USP37: variants seen among roughly 807,000 people sequenced by gnomAD.
USP37 encodes the protein ubiquitin specific peptidase 37.
A neutral mutation model predicts 124.0 loss-of-function variants in USP37; 27 were observed. The ratio of observed to expected loss-of-function variants is 0.22; its 90% CI spans 0.16 to 0.30. The LOEUF (loss-of-function observed/expected upper bound fraction) is 0.30. Among genes scored for constraint, USP37 ranks in the 10% least tolerant of loss-of-function variants. The pLI is 1.00. For synonymous variants in USP37, 365 were observed against 388.0 expected (o/e 0.94, Z 0.70); for missense variants, 889 against 1,140.4 (o/e 0.78, Z 3.17).
chr2:218,531,950 T>C (rs904390966), intron 9 of USP37, among the ~76,000 whole-genome samples: 1 of 152,226 alleles, frequency 6.6e-6, no homozygotes, highest in Admixed American at 6.5e-5. Flanking sequence ...TCTCCTGAGA[T>C]GAAATCTAAT....
intron 8 of USP37, among the ~76,000 whole-genome samples, chr2:218,535,236 T>C (rs1691558498): frequency 6.6e-6 from 1 of 151,188 alleles, no homozygotes; most frequent in African/African-American, 2.4e-5. Flanking sequence ...TGGTGGCGCG[T>C]TCCTGTAGTC....
intron 23 of USP37, among the ~76,000 whole-genome samples, chr2:218,459,222 A>G (rs1389031431): frequency 6.6e-6 from 1 of 151,950 alleles, no homozygotes; most frequent in African/African-American, 2.4e-5. Flanking sequence ...TCCCCCCGAG[A>G]TGGAGTTTCG....
At chr2:218,555,040 T>A (rs1172947999) in intron 4 of USP37, among the ~76,000 whole-genome samples, 3 of 152,192 alleles carry the variant, frequency 2.0e-5, no homozygotes, top group African/African-American at 7.2e-5. Context: ...GTTCAATAAT[T>A]CATCTTAGAC....
In USP37 at chr2:218,553,248, C is replaced by T. The variant is rs1048159835; in HGVS notation, c.328+305G>A. Among the ~76,000 whole-genome samples, 9 of 152,282 alleles carry T rather than the reference C, an allele frequency of 5.9e-5. 1 individual carries two copies. Among genetic ancestry groups the T allele is most frequent in the Middle Eastern group, 6.8e-3 (2 of 294 alleles). ...GCATATGACCTTTATTACGCTGAGTCGTTTCCTTCTACTCCTAGTTTGTTG... is the reference window on the plus strand; with the variant it reads ...GCATATGACCTTTATTACGCTGAGTTGTTTCCTTCTACTCCTAGTTTGTTG... On this transcript the variant is annotated intron_variant, in intron 5 of 25. Coordinates refer to ENST00000258399, the MANE Select transcript of USP37 (RefSeq NM_020935.3).
chr2:218,465,146 T>C (rs1690245487), intron 21 of USP37, among the ~76,000 whole-genome samples: 1 of 152,118 alleles, frequency 6.6e-6, no homozygotes, highest in South Asian at 2.1e-4. Context: ...TTAGAAAATA[T>C]TTGTGATAAT....
intron 10 of USP37, among the ~76,000 whole-genome samples, chr2:218,526,588 A>C (rs892306563): frequency 5.3e-5 from 8 of 151,966 alleles, no homozygotes; most frequent in African/African-American, 1.9e-4. Flanking sequence ...CTTTTTTGAC[A>C]AAATGTGGAT....
At chr2:218,550,281 A>ACAGTTGTAT (rs143807558) in intron 5 of USP37, among the ~76,000 whole-genome samples, 7,397 of 152,200 alleles carry the variant, frequency 0.049, 509 homozygotes, top group African/African-American at 0.16. Flanking sequence ...AGAAACAGTG[A>ACAGTTGTAT]CAGTTGTATC....
intron 11 of USP37, among the ~76,000 whole-genome samples, chr2:218,502,059 T>G (rs1019953797): frequency 6.6e-6 from 1 of 151,996 alleles, no homozygotes; most frequent in African/African-American, 2.4e-5. Context: ...CAAATTAGCC[T>G]TAGAGTAAAG....
chr2:218,543,194 C>G (rs1692081527), intron 8 of USP37, among the ~76,000 whole-genome samples: 1 of 152,044 alleles, frequency 6.6e-6, no homozygotes, highest in South Asian at 2.1e-4. Context: ...AATCAGCTTG[C>G]AATCAGTGAT....
chr2:218,474,801 C>G lies in USP37; in HGVS notation c.2128G>C (p.Ala710Pro). 6.2e-7 allele frequency: 1 copy of G among 1,614,172 alleles called. No individual in the cohort carries two copies. The highest frequency in any genetic ancestry group is 8.5e-7 in the Non-Finnish European group (1 of 1,180,030). ...FDRMSEEELLAAVLEISKRDA... is the reference protein window; with the variant it reads ...FDRMSEEELLPAVLEISKRDA... ...CTCTTACTTATCTCCAAGACAGCTGCTAGAAGCTCTTCTTCGCTCATTCTG... is the reference window on the plus strand; with the variant it reads ...CTCTTACTTATCTCCAAGACAGCTGGTAGAAGCTCTTCTTCGCTCATTCTG... Residue 710 changes from alanine (A) to proline (P), a missense_variant, in exon 20 of 26, where the codon GCA (alanine) becomes CCA (proline). Physicochemically the swap from Ala to Pro is conservative, Grantham distance 27. Around this residue, in one of 3 missense-constraint regions of USP37, gnomAD observed 504 missense variants for 714.3 expected, o/e 0.71. Coordinates refer to ENST00000258399, the MANE Select transcript of USP37 (RefSeq NM_020935.3).
rs1690865868 is a variant in USP37 at position 218,474,665 on chromosome 2, A to G, written c.2264T>C (p.Met755Thr). 6.2e-7 allele frequency: 1 copy of G among 1,614,060 alleles called. No homozygotes were observed. Among genetic ancestry groups the G allele is most frequent in the Non-Finnish European group, 8.5e-7 (1 of 1,180,042 alleles). ...GATTGTTTTGGGCTTCTCAGTTTCC[A>G]TAGTGTCTGGATTTTCTGGCATTTC... ...IQEMPENPDTMETEKPKTITE... is the reference protein window; with the variant it reads ...IQEMPENPDTTETEKPKTITE... Residue 755 changes from methionine (M) to threonine (T), a missense_variant, in exon 20 of 26, where the codon ATG becomes ACG. By Grantham distance (81) the Met-to-Thr change is moderately conservative. Around this residue, in one of 3 missense-constraint regions of USP37, gnomAD observed 504 missense variants for 714.3 expected, o/e 0.71. Transcript: ENST00000258399.
chr2:218,511,370 G>A lies in USP37; in HGVS notation c.864-1230C>T, dbSNP rs537328283. 3.4e-3 allele frequency among the ~76,000 whole-genome samples: 520 copies of A among 152,102 alleles called. 1 individual carries two copies. Among genetic ancestry groups the A allele is most frequent in the African/African-American group, 0.012 (498 of 41,496 alleles). ...GTTGCCCAAGCTGGTGTGCAATGGCGCAATCTCGGCTCACTGCAACCTCCG... is the reference window on the plus strand; with the variant it reads ...GTTGCCCAAGCTGGTGTGCAATGGCACAATCTCGGCTCACTGCAACCTCCG... On this transcript the variant is annotated intron_variant, in intron 10 of 25. Transcript: ENST00000258399.
intron 25 of USP37, 145 bp from the exon 26 acceptor site, chr2:218,455,162 C>A: frequency 1.0e-6 from 1 of 983,954 alleles, no homozygotes; most frequent in Non-Finnish European, 1.5e-6. Flanking sequence ...AAAAGCAGCT[C>A]ACTCATTTGA....
At chr2:218,498,411 T>C (rs1282994185) in intron 11 of USP37, 1 of 251,922 alleles carries the variant, frequency 4.0e-6, no homozygotes, top group Non-Finnish European at 7.5e-6. Context: ...GGGACTCTAC[T>C]TTGAGAACTA....
At chr2:218,555,605 A>G (rs1384749114) in intron 4 of USP37, among the ~76,000 whole-genome samples, 1 of 152,248 alleles carries the variant, frequency 6.6e-6, no homozygotes, top group East Asian at 1.9e-4. Context: ...TTAACAAAAA[A>G]GATGAGAATC....
intron 10 of USP37, chr2:218,528,731 G>A: frequency 2.6e-6 from 1 of 377,436 alleles, no homozygotes; most frequent in East Asian, 4.8e-5. Context: ...ACCCTTCTGT[G>A]CTGCACTGCA....
At chr2:218,512,522 A>C (rs539050544) in intron 10 of USP37, among the ~76,000 whole-genome samples, 2 of 152,194 alleles carry the variant, frequency 1.3e-5, no homozygotes, top group African/African-American at 4.8e-5. Context: ...AAAATAAAAA[A>C]AGTTAAAAAT....
At chr2:218,509,028 C>T (rs1001251084) in intron 11 of USP37, among the ~76,000 whole-genome samples, 18 of 152,066 alleles carry the variant, frequency 1.2e-4, no homozygotes, top group African/African-American at 3.9e-4. Context: ...ATTTTACTTC[C>T]GACAATTTAT....
At chr2:218,532,483 A>C (rs933480511) in intron 9 of USP37, among the ~76,000 whole-genome samples, 2 of 150,672 alleles carry the variant, frequency 1.3e-5, no homozygotes, top group African/African-American at 4.9e-5. Context: ...AAAAAAAAAA[A>C]AGAAAGAAAG....
Sources: gnomAD v4.1 joint callset for allele counts (sites outside exome capture counted in the v4.1 genomes callset) on GRCh38, gnomAD v4.1.1 for gene constraint, gnomAD v4.1.1 regional missense constraint, MANE v1.5 for transcripts, NCBI Gene and HGNC (gene_info 2026-07-23, HGNC 2026-07-21) for gene names.